Variants in FAXC observed in about 807,000 individuals in gnomAD.
FAXC encodes failed axon connections homolog.
In FAXC, 10 loss-of-function variants were observed where a neutral mutation model predicts 41.9. The ratio of observed to expected loss-of-function variants is 0.24; its 90% CI spans 0.15 to 0.41. The LOEUF (loss-of-function observed/expected upper bound fraction) is 0.41, where lower values mean the gene tolerates loss of function less well. Among genes scored for constraint, FAXC ranks in the 10% least tolerant of loss-of-function variants. The pLI, the probability that FAXC is intolerant of heterozygous loss-of-function variation, is 1.00. For missense variants in FAXC, 399 were observed against 510.9 expected (o/e 0.78, Z 2.11); for synonymous variants, 183 against 183.8 (o/e 1.00, Z 0.03).
chr6:99,327,370 C>A (rs1772853118), intron 3 of FAXC, among the ~76,000 whole-genome samples: 1 of 152,156 alleles, frequency 6.6e-6, no homozygotes, highest in Non-Finnish European at 1.5e-5. Context: ...TTCTTGAAAA[C>A]CCTGTTGACA....
chr6:99,335,674 G>A (rs1459123342), intron 2 of FAXC, among the ~76,000 whole-genome samples: 1 of 152,180 alleles, frequency 6.6e-6, no homozygotes. Context: ...GTGTGCTCTC[G>A]CCATTGTTCC....
At chr6:99,321,276 T>C (rs1377060413) in intron 4 of FAXC, among the ~76,000 whole-genome samples, 1 of 152,214 alleles carries the variant, frequency 6.6e-6, no homozygotes, top group African/African-American at 2.4e-5. Flanking sequence ...GAGTCAGATA[T>C]ACAACCATGG....
chr6:99,306,007 C>T (rs1396184641), intron 4 of FAXC, among the ~76,000 whole-genome samples: 1 of 151,864 alleles, frequency 6.6e-6, no homozygotes, highest in African/African-American at 2.4e-5. Context: ...CAGCGCTACG[C>T]AGAGAATTAA....
chr6:99,323,803 C>G, intron 3 of FAXC, 136 bp from the exon 4 acceptor site: 2 of 660,860 alleles, frequency 3.0e-6, no homozygotes, highest in South Asian at 1.9e-5. Context: ...AAAGAGCAAT[C>G]TGCATGGCAG....
chr6:99,334,397 G>A (rs915197246), intron 2 of FAXC, among the ~76,000 whole-genome samples: 2 of 152,186 alleles, frequency 1.3e-5, no homozygotes, highest in African/African-American at 4.8e-5. Flanking sequence ...TCCATTCCAA[G>A]GTTTGCGGCT....
chr6:99,315,051 T>C (rs147512283), intron 4 of FAXC, among the ~76,000 whole-genome samples: 92 of 151,798 alleles, frequency 6.1e-4, no homozygotes, highest in African/African-American at 2.1e-3. Context: ...CTGGCCAACA[T>C]GGTGAAAGAC....
At chr6:99,335,443 C>T (rs1410385847) in intron 2 of FAXC, among the ~76,000 whole-genome samples, 1 of 152,206 alleles carries the variant, frequency 6.6e-6, no homozygotes, top group South Asian at 2.1e-4. Context: ...ACAGCCTATG[C>T]CCCTTCCTTA....
At chr6:99,307,069 G>A (rs987225360) in intron 4 of FAXC, among the ~76,000 whole-genome samples, 1 of 152,074 alleles carries the variant, frequency 6.6e-6, no homozygotes, top group Non-Finnish European at 1.5e-5. Flanking sequence ...AGAGAAGAAG[G>A]GCTCCTCGGT....
intron 3 of FAXC, among the ~76,000 whole-genome samples, chr6:99,331,332 A>G (rs1165133979): frequency 1.3e-5 from 2 of 152,190 alleles, no homozygotes; most frequent in Non-Finnish European, 2.9e-5. Flanking sequence ...AGTCCACAAA[A>G]TTAAGATCTT....
intron 4 of FAXC, among the ~76,000 whole-genome samples, chr6:99,320,190 A>G (rs1005636510): frequency 3.9e-5 from 6 of 152,170 alleles, no homozygotes; most frequent in Admixed American, 3.3e-4. Context: ...TTTGAGTCCT[A>G]TTTTACTAAG....
At chr6:99,317,647 T>C (rs1384865048) in intron 4 of FAXC, among the ~76,000 whole-genome samples, 1 of 152,210 alleles carries the variant, frequency 6.6e-6, no homozygotes, top group Non-Finnish European at 1.5e-5. Flanking sequence ...ATTCAACCTT[T>C]CTGTGCCTCG....
At position 99,349,332 on chromosome 6, in the gene FAXC, A is replaced by C. The variant is rs1773708869; in HGVS notation, c.41T>G (p.Val14Gly). 1 of 1,612,786 alleles carries C rather than the reference A, an allele frequency of 6.2e-7. No individual in the cohort carries two copies. Among genetic ancestry groups the C allele is most frequent in the Non-Finnish European group, 8.5e-7 (1 of 1,179,890 alleles). The change falls in exon 1 of 6, where the codon GTG becomes GGG. Residue 14 changes from valine (V) to glycine (G), a missense_variant. Coordinates refer to ENST00000389677, the MANE Select transcript of FAXC (RefSeq NM_032511.4). ...GCTCTGGTTCCAGCTCAGATCCACC[A>C]CGCACGGCCTGGACGAAGCAAAGCC... Reference protein sequence around the residue: ...GVGFASSRPCVVDLSWNQSIS... With the variant: ...GVGFASSRPCGVDLSWNQSIS...
At chr6:99,311,806 A>C (rs1772169067) in intron 4 of FAXC, among the ~76,000 whole-genome samples, 1 of 152,086 alleles carries the variant, frequency 6.6e-6, no homozygotes, top group African/African-American at 2.4e-5. Flanking sequence ...CCTGAGTTGA[A>C]AGCTATTATT....
At chr6:99,291,659 C>G in intron 5 of FAXC, 45 bp downstream of exon 5, 1 of 1,432,504 alleles carries the variant, frequency 7.0e-7, no homozygotes, top group Non-Finnish European at 9.8e-7. Context: ...ACTGCCCACC[C>G]AGCCCCAGTA....
intron 5 of FAXC, among the ~76,000 whole-genome samples, chr6:99,288,555 T>C (rs1562150990): frequency 6.6e-6 from 1 of 152,216 alleles, no homozygotes; most frequent in Non-Finnish European, 1.5e-5. Flanking sequence ...GAAACTAATA[T>C]TTTAAATGCC....
Position 99,299,876 on chromosome 6 carries a change from AGATT to A in FAXC, c.824-8060_824-8057del, listed in dbSNP as rs562933469. Among the ~76,000 whole-genome samples the A allele has an allele frequency of 8.5e-5, 13 of 152,294 alleles. 1 individual carries two copies. The East Asian group carries it at 2.5e-3, about 29-fold the overall frequency. On this transcript the variant is annotated intron_variant, in intron 4 of 5. Transcript: ENST00000389677. The stretch of plus-strand genomic sequence containing the variant: ...CAAGCATACTCTAAAATCACTATAT[AGATT>A]GTGATTAGCTCACGATCGCCAATTA...
chr6:99,299,962 T>G (rs1771642466), intron 4 of FAXC, among the ~76,000 whole-genome samples: 1 of 152,152 alleles, frequency 6.6e-6, no homozygotes, highest in African/African-American at 2.4e-5. Flanking sequence ...AGAAGCTCCT[T>G]AATTTAATCC....
chr6:99,349,028 C>A, intron 1 of FAXC, 79 bp downstream of exon 1: 1 of 1,396,890 alleles, frequency 7.2e-7, no homozygotes. Flanking sequence ...GGGGCTGGCA[C>A]GGGCCCCTCT....
chr6:99,296,816 G>A (rs1449560328), intron 4 of FAXC, among the ~76,000 whole-genome samples: 1 of 152,180 alleles, frequency 6.6e-6, no homozygotes, highest in African/African-American at 2.4e-5. Context: ...AGAGCCCATA[G>A]GGGGAGTAGC....
Sources: gnomAD v4.1 joint callset for allele counts (sites outside exome capture counted in the v4.1 genomes callset) on GRCh38, gnomAD v4.1.1 for gene constraint, MANE v1.5 for transcripts, NCBI Gene and HGNC (gene_info 2026-07-23, HGNC 2026-07-21) for gene names.